Variants in AGBL4 observed in about 807,000 individuals in gnomAD.
The protein encoded by AGBL4 is AGBL carboxypeptidase 4.
In AGBL4, 58 loss-of-function variants were observed where a neutral mutation model predicts 66.4. The ratio of observed to expected loss-of-function variants is 0.87; its 90% CI spans 0.71 to 1.09. AGBL4 has a LOEUF of 1.09. AGBL4 is among the 50% of genes least tolerant of loss of function. The pLI is 0.00. For synonymous variants in AGBL4, 234 were observed against 222.9 expected (o/e 1.05, Z -0.44); for missense variants, 579 against 631.0 (o/e 0.92, Z 0.88).
chr1:48,783,662 C>T (rs985662760), intron 6 of AGBL4, among the ~76,000 whole-genome samples: 2 of 152,182 alleles, frequency 1.3e-5, no homozygotes, highest in African/African-American at 4.8e-5. Flanking sequence ...ATTTTCCACC[C>T]TTTCTGTGTA....
At chr1:49,527,348 C>T (rs1437569974) in intron 3 of AGBL4, 1 of 152,234 alleles carries the variant, frequency 6.6e-6, no homozygotes, top group Non-Finnish European at 1.5e-5. Context: ...ATGAAAAGCC[C>T]TATCCGTATC....
chr1:48,733,420 GA>G (rs1266237088), intron 6 of AGBL4, among the ~76,000 whole-genome samples: 1 of 152,178 alleles, frequency 6.6e-6, no homozygotes, highest in Non-Finnish European at 1.5e-5. Context: ...CAAAACTGTG[GA>G]AATTCCTTTA....
intron 3 of AGBL4, among the ~76,000 whole-genome samples, chr1:49,656,532 A>G (rs1188431901): frequency 6.6e-6 from 1 of 152,210 alleles, no homozygotes; most frequent in Non-Finnish European, 1.5e-5. Context: ...CTGATACCAA[A>G]GCCGGGCAGA....
At chr1:49,589,873 C>T (rs930284876) in intron 3 of AGBL4, among the ~76,000 whole-genome samples, 13 of 152,026 alleles carry the variant, frequency 8.6e-5, no homozygotes, top group Middle Eastern at 3.4e-3. Context: ...CCTTATTTTT[C>T]TTTATCTTGT....
chr1:49,828,753 A>AC (rs1645575968), intron 2 of AGBL4, among the ~76,000 whole-genome samples: 1 of 152,178 alleles, frequency 6.6e-6, no homozygotes, highest in Non-Finnish European at 1.5e-5. Flanking sequence ...AGAATAGATA[A>AC]TGGGGGAGAA....
At chr1:49,974,382 G>A (rs538438806) in intron 1 of AGBL4, among the ~76,000 whole-genome samples, 4 of 152,264 alleles carry the variant, frequency 2.6e-5, no homozygotes, top group East Asian at 1.9e-4. Context: ...TAGCAGCAAT[G>A]AGAGGTTATA....
At chr1:48,554,152 G>T (rs917676752) in intron 11 of AGBL4, among the ~76,000 whole-genome samples, 2 of 152,156 alleles carry the variant, frequency 1.3e-5, no homozygotes, top group Non-Finnish European at 2.9e-5. Context: ...GGGTTTGCTG[G>T]AGGGACAGGA....
At chr1:48,920,344 G>A (rs1653978024) in intron 5 of AGBL4, among the ~76,000 whole-genome samples, 1 of 152,126 alleles carries the variant, frequency 6.6e-6, no homozygotes, top group Non-Finnish European at 1.5e-5. Flanking sequence ...TCTAATTTTT[G>A]CTACAATTCT....
intron 3 of AGBL4, among the ~76,000 whole-genome samples, chr1:49,302,106 C>G (rs542491079): frequency 1.3e-5 from 2 of 151,982 alleles, no homozygotes; most frequent in East Asian, 1.9e-4. Context: ...CTCCCCCAAC[C>G]CTTTTTTGGA....
Position 48,587,042 on chromosome 1 carries a change from C to T in AGBL4, c.1229G>A (p.Ser410Asn). The T allele has an allele frequency of 6.2e-7, 1 of 1,609,560 alleles. No homozygotes were observed. Among genetic ancestry groups the T allele is most frequent in the South Asian group, 1.1e-5 (1 of 89,606 alleles). ...GTAGGGCACAGCAGCCGTGGTGCCA[C>T]TGATGATGTAGCTGTAGAAGGAGAC... Reference protein sequence around the residue: ...LEVSFYSYIISGTTAAVPYTE... With the variant: ...LEVSFYSYIINGTTAAVPYTE... Residue 410 changes from serine to asparagine, a missense_variant, in exon 11 of 14, where the codon AGT becomes AAT. Coordinates refer to ENST00000371839, the MANE Select transcript of AGBL4 (RefSeq NM_032785.4).
intron 6 of AGBL4, among the ~76,000 whole-genome samples, chr1:48,772,422 G>A (rs1644881668): frequency 6.6e-6 from 1 of 152,176 alleles, no homozygotes; most frequent in African/African-American, 2.4e-5. Flanking sequence ...TGAGCTCCTT[G>A]CAGGCAGAGG....
chr1:49,743,363 A>T (rs1650702085), intron 2 of AGBL4, among the ~76,000 whole-genome samples: 1 of 152,234 alleles, frequency 6.6e-6, no homozygotes, highest in Non-Finnish European at 1.5e-5. Context: ...ATACCATCTC[A>T]CACCAGTTAG....
In AGBL4 at chr1:49,824,698, ATAAAC is replaced by A. The variant is rs369803800; in HGVS notation, c.157+26693_157+26697del. ...TGGCTTTTAAGACAAAGATAATCAT[ATAAAC>A]TAAAGCAAGGAAGCATAAAATTACA... On this transcript the variant is annotated intron_variant, in intron 2 of 13. Coordinates refer to ENST00000371839, the MANE Select transcript of AGBL4 (RefSeq NM_032785.4). Among the ~76,000 whole-genome samples the A allele has an allele frequency of 1.9e-4, 29 of 152,364 alleles. No homozygotes were observed. In the East Asian group the frequency reaches 3.1e-3, roughly 16 times the overall value.
chr1:49,324,157 T>C (rs1031740271), intron 3 of AGBL4, among the ~76,000 whole-genome samples: 25 of 152,350 alleles, frequency 1.6e-4, no homozygotes, highest in African/African-American at 5.8e-4. Flanking sequence ...AAGAAAGATA[T>C]CTATCTGCCG....
rs868498555 is a variant in AGBL4 at position 49,881,608 on chromosome 1, G to A, written c.35-30090C>T. The stretch of plus-strand genomic sequence containing the variant: ...CTGGTGTGAGATGATATCTCATTGC[G>A]GTTTTGATTTGCATTTCTCTGATGG... On this transcript the variant is annotated intron_variant, in intron 1 of 13. Coordinates refer to ENST00000371839, the MANE Select transcript of AGBL4 (RefSeq NM_032785.4). 4.6e-5 allele frequency among the ~76,000 whole-genome samples: 7 copies of A among 150,538 alleles called. No homozygotes were observed. In the East Asian group the frequency reaches 5.8e-4, roughly 13 times the overall value.
intron 3 of AGBL4, among the ~76,000 whole-genome samples, chr1:49,432,049 G>A (rs1038727733): frequency 3.9e-5 from 6 of 152,062 alleles, no homozygotes; most frequent in Non-Finnish European, 7.4e-5. Flanking sequence ...TTTTTTATAT[G>A]ACCCATTTAG....
At chr1:49,941,348 A>G (rs921222602) in intron 1 of AGBL4, among the ~76,000 whole-genome samples, 8 of 152,130 alleles carry the variant, frequency 5.3e-5, no homozygotes, top group African/African-American at 1.7e-4. Context: ...TTTCTCAAGA[A>G]TGTACAGGAG....
At chr1:48,752,799 G>C (rs1424410689) in intron 6 of AGBL4, among the ~76,000 whole-genome samples, 1 of 152,062 alleles carries the variant, frequency 6.6e-6, no homozygotes, top group African/African-American at 2.4e-5. Flanking sequence ...CGCCAGGCTG[G>C]AGTGCAGTGG....
chr1:49,515,433 G>C lies in AGBL4; in HGVS notation c.282+181880C>G, dbSNP rs191807107. 2.0e-5 allele frequency among the ~76,000 whole-genome samples: 3 copies of C among 152,214 alleles called. No individual in the cohort carries two copies. In the East Asian group the frequency reaches 5.8e-4, roughly 29 times the overall value. ...GGAGAAATAGGAACACTTTTACACT[G>C]TTGGTGGGACTGTAAACTCATTCAA... is the stretch of plus-strand genomic sequence containing the variant. On this transcript the variant is annotated intron_variant, in intron 3 of 13. Transcript: ENST00000371839.
Sources: allele counts gnomAD v4.1 joint callset (sites outside exome capture counted in the v4.1 genomes callset), GRCh38; gene constraint gnomAD v4.1.1; transcripts MANE v1.5; gene names NCBI Gene and HGNC (gene_info 2026-07-23, HGNC 2026-07-21).